Variants in ACSF3 observed in about 807,000 individuals in gnomAD.
The protein encoded by ACSF3 is malonate--CoA ligase ACSF3, mitochondrial.
Under a neutral mutation model 53.2 loss-of-function variants are expected in ACSF3, and 78 were observed. The observed-to-expected ratio is 1.47, with a 90% CI of 1.22 to 1.77. The LOEUF (loss-of-function observed/expected upper bound fraction) is 1.77. Among genes scored for constraint, ACSF3 ranks in the 40% most tolerant of loss-of-function variants. ACSF3 has a pLI of 0.00. For synonymous variants in ACSF3, 414 were observed against 333.1 expected, an observed-to-expected ratio of 1.24 and a Z score of -2.65; for missense variants, 937 against 771.1, an observed-to-expected ratio of 1.22 and a Z score of -2.55.
intron 3 of ACSF3, chr16:89,102,358 C>T (rs1975444666): frequency 1.8e-6 from 1 of 562,816 alleles, no homozygotes; most frequent in Middle Eastern, 4.8e-4. Flanking sequence ...TCTAAATTCC[C>T]TAAAGCCTCT....
chr16:89,122,559 T>C (rs1342723711), intron 7 of ACSF3: 1 of 301,466 alleles, frequency 3.3e-6, no homozygotes. Flanking sequence ...CTCAGCCAGT[T>C]CCAACCCTGT....
chr16:89,140,394 C>T (rs1185926959), intron 8 of ACSF3, among the ~76,000 whole-genome samples: 1 of 152,228 alleles, frequency 6.6e-6, no homozygotes, highest in Non-Finnish European at 1.5e-5. Context: ...CTGTTCCAGG[C>T]TTGGAGGCTG....
intron 7 of ACSF3, among the ~76,000 whole-genome samples, chr16:89,123,767 A>G (rs1907233345): frequency 6.6e-6 from 1 of 152,158 alleles, no homozygotes; most frequent in Admixed American, 6.5e-5. Context: ...CCTTCCCAGG[A>G]TCATCCCCGG....
chr16:89,096,329 G>A (rs1258468999), intron 1 of ACSF3, among the ~76,000 whole-genome samples: 2 of 152,200 alleles, frequency 1.3e-5, no homozygotes, highest in Non-Finnish European at 2.9e-5. Context: ...CCCCACGGTA[G>A]AAGGGGTCCC....
chr16:89,119,291 TC>T (rs1170528423), intron 6 of ACSF3, among the ~76,000 whole-genome samples: 1 of 152,044 alleles, frequency 6.6e-6, no homozygotes, highest in Non-Finnish European at 1.5e-5. Context: ...TTGCGCTGCG[TC>T]CCCGCCCCAG....
chr16:89,139,662 G>T (rs183939176), intron 8 of ACSF3, among the ~76,000 whole-genome samples: 2 of 144,512 alleles, frequency 1.4e-5, no homozygotes, highest in Middle Eastern at 3.6e-3. Context: ...GCGCCATCTC[G>T]GCTCAGTGCA....
chr16:89,098,415 G>A (rs1974870167), intron 1 of ACSF3, among the ~76,000 whole-genome samples, 176 bp from the exon 2 acceptor site: 1 of 152,246 alleles, frequency 6.6e-6, no homozygotes. Flanking sequence ...ACTCGACAGG[G>A]TCATGGGGTC....
chr16:89,126,931 A>G (rs1006839030), intron 7 of ACSF3, among the ~76,000 whole-genome samples: 3 of 152,156 alleles, frequency 2.0e-5, no homozygotes, highest in Non-Finnish European at 4.4e-5. Context: ...TTCTATCTAT[A>G]ATGTGCTTAG....
In ACSF3 at chr16:89,145,378, T is replaced by G; in HGVS notation, c.1478T>G (p.Leu493Arg). The G allele has an allele frequency of 1.9e-6, 3 of 1,614,150 alleles. No homozygotes were observed. Among genetic ancestry groups the G allele is most frequent in the Non-Finnish European group, 2.5e-6 (3 of 1,180,012 alleles). Reference protein sequence around the residue: ...KVSALEVEWHLLAHPSITDVA... With the variant: ...KVSALEVEWHRLAHPSITDVA... ...AGCGCCCTGGAGGTGGAGTGGCACC[T>G]GCTGGCCCACCCCAGCATCACAGGT... The change falls in exon 9 of 11, where the codon CTG becomes CGG. Residue 493 changes from leucine to arginine, a missense_variant. Physicochemically the swap from Leu to Arg is moderately radical, Grantham distance 102. Coordinates refer to ENST00000614302, the MANE Select transcript of ACSF3 (RefSeq NM_001243279.3).
rs548417953 is a variant in ACSF3 at position 89,098,754 on chromosome 16, C to T, written c.-30C>T. ...TTCCCCTTACCTCCTCTCTCTGGCT[C>T]GGGAGCTGGGTGAGTTTGAACTTGG... On this transcript the variant is annotated 5_prime_UTR_variant, in exon 2 of 11. Transcript: ENST00000614302. The T allele has an allele frequency of 3.5e-5, 16 of 454,150 alleles. No individual in the cohort carries two copies. The highest frequency in any genetic ancestry group is 2.0e-4 in the South Asian group (13 of 64,480). The allele number at this position is 454,150 out of a possible 1,614,324, so 28.1% of individuals were successfully genotyped here. A position where few individuals can be genotyped will look rare whatever the true frequency, so the allele number is the denominator to read the frequency against.
At chr16:89,103,268 C>A (rs530173107) in intron 4 of ACSF3, among the ~76,000 whole-genome samples, 112 of 152,342 alleles carry the variant, frequency 7.4e-4, no homozygotes, top group Middle Eastern at 3.4e-3. Flanking sequence ...AATGCTCACG[C>A]GCTTGGTTTA....
At chr16:89,120,996 C>A (rs1906518056) in intron 7 of ACSF3, 83 bp downstream of exon 7, 5 of 1,275,552 alleles carry the variant, frequency 3.9e-6, no homozygotes, top group Admixed American at 1.7e-5. Context: ...GCATCTTTCC[C>A]CTGGAGGCAG....
intron 8 of ACSF3, among the ~76,000 whole-genome samples, chr16:89,142,756 C>T (rs773250696): frequency 6.6e-6 from 1 of 151,580 alleles, no homozygotes; most frequent in African/African-American, 2.4e-5. Context: ...CCTGCAGAGA[C>T]ACACCCACAC....
At chr16:89,106,285 G>A (rs1391052391) in intron 4 of ACSF3, among the ~76,000 whole-genome samples, 1 of 141,248 alleles carries the variant, frequency 7.1e-6, no homozygotes, top group South Asian at 2.2e-4. Flanking sequence ...AAACTATGCT[G>A]TGAAAACTTA....
intron 7 of ACSF3, among the ~76,000 whole-genome samples, chr16:89,126,750 TACAA>T (rs1908190186): frequency 6.6e-6 from 1 of 152,238 alleles, no homozygotes. Context: ...TTTCTGCAAA[TACAA>T]ACAGTTTTAT....
At chr16:89,151,189 T>G (rs1299417500) in intron 10 of ACSF3, 1 of 511,542 alleles carries the variant, frequency 2.0e-6, no homozygotes, top group Non-Finnish European at 3.6e-6. Context: ...GATAACTCCC[T>G]TAAAAGACAC....
At chr16:89,110,390 T>C (rs1431189436) in intron 4 of ACSF3, among the ~76,000 whole-genome samples, 1 of 152,208 alleles carries the variant, frequency 6.6e-6, no homozygotes, top group African/African-American at 2.4e-5. Flanking sequence ...TCAGTGCCAT[T>C]TGTGAGAAAG....
At chr16:89,107,516 T>A (rs1976152298) in intron 4 of ACSF3, among the ~76,000 whole-genome samples, 1 of 152,180 alleles carries the variant, frequency 6.6e-6, no homozygotes, top group Non-Finnish European at 1.5e-5. Flanking sequence ...TCTGGTTCAC[T>A]GTGCTGTTGA....
chr16:89,136,477 G>A, intron 8 of ACSF3: 1 of 1,207,458 alleles, frequency 8.3e-7, no homozygotes, highest in African/African-American at 1.6e-5. Context: ...GCTCACAGCT[G>A]CCGCTCCTGC....
Sources: gnomAD v4.1 joint callset for allele counts (sites outside exome capture counted in the v4.1 genomes callset) on GRCh38, gnomAD v4.1.1 for gene constraint, MANE v1.5 for transcripts, NCBI Gene and HGNC (gene_info 2026-07-23, HGNC 2026-07-21) for gene names.